The following DYNLT2 variants were observed in gnomAD, a reference collection of about 807,000 sequenced individuals.
DYNLT2 encodes the protein dynein light chain Tctex-type 2.
In DYNLT2, 24 loss-of-function variants were observed where a neutral mutation model predicts 24.3. The ratio of observed to expected loss-of-function variants is 0.99; its 90% CI spans 0.71 to 1.39. The LOEUF is 1.39. Ranked by LOEUF, DYNLT2 falls within the 40% of genes most tolerant of loss-of-function variation. The pLI, the probability that DYNLT2 is intolerant of heterozygous loss-of-function variation, is 0.00. For synonymous variants in DYNLT2, 85 were observed against 85.4 expected, an observed-to-expected ratio of 1.00 and a Z score of 0.03; for missense variants, 246 against 234.5, an observed-to-expected ratio of 1.05 and a Z score of -0.32.
chr6:169,735,131 G>C (rs774310837), downstream of DYNLT2, among the ~76,000 whole-genome samples: 1 of 152,094 alleles, frequency 6.6e-6, no homozygotes, highest in Non-Finnish European at 1.5e-5. Context: ...GGTCAGTGGT[G>C]ATATCCCCTT....
chr6:169,727,139 C>A, the DYNLT2 span, among the ~76,000 whole-genome samples: 1 of 152,216 alleles, frequency 6.6e-6, no homozygotes, highest in African/African-American at 2.4e-5. Context: ...AGGTAATTAA[C>A]TGTCTTGACT....
At chr6:169,737,122 G>T (rs1315412586), downstream of DYNLT2, among the ~76,000 whole-genome samples, 1 of 152,072 alleles carries the variant, frequency 6.6e-6, no homozygotes, top group East Asian at 1.9e-4. Flanking sequence ...TGATACTTGT[G>T]TATGCTTCAC....
the DYNLT2 span, chr6:169,725,360 C>T: frequency 1.8e-5 from 7 of 398,580 alleles, no homozygotes; most frequent in East Asian, 1.4e-4. Flanking sequence ...AGGGATTATT[C>T]TAGCGCGTCA....
At chr6:169,748,868 G>C (rs1447407805) in intron 1 of DYNLT2, among the ~76,000 whole-genome samples, 2 of 152,120 alleles carry the variant, frequency 1.3e-5, no homozygotes, top group East Asian at 3.8e-4. Context: ...AATATTGGCT[G>C]ACTTGCTATA....
chr6:169,725,404 C>T, the DYNLT2 span: 11 of 397,892 alleles, frequency 2.8e-5, no homozygotes, highest in African/African-American at 2.1e-4. Flanking sequence ...ACGCTCAGTC[C>T]AGCCTGACTC....
At chr6:169,748,879 CTTA>C (rs377303449) in intron 1 of DYNLT2, among the ~76,000 whole-genome samples, 4 of 152,216 alleles carry the variant, frequency 2.6e-5, no homozygotes, top group South Asian at 2.1e-4. Context: ...ACTTGCTATA[CTTA>C]TTAAGAGTAT....
chr6:169,743,935 T>C, intron 2 of DYNLT2, 133 bp downstream of exon 2: 1 of 820,180 alleles, frequency 1.2e-6, no homozygotes, highest in Non-Finnish European at 1.9e-6. Context: ...CCTGCACCAA[T>C]GACACAATAC....
intron 3 of DYNLT2, among the ~76,000 whole-genome samples, chr6:169,741,342 A>T (rs935744049): frequency 6.6e-6 from 1 of 152,162 alleles, no homozygotes; most frequent in Non-Finnish European, 1.5e-5. Flanking sequence ...GCTGGCTCAC[A>T]TGCAGGAGAA....
intron 1 of DYNLT2, among the ~76,000 whole-genome samples, chr6:169,746,924 G>A (rs1789820842): frequency 6.7e-6 from 1 of 150,142 alleles, no homozygotes; most frequent in Non-Finnish European, 1.5e-5. Flanking sequence ...CTGGAGTGAG[G>A]TCACAGAGCA....
At chr6:169,750,705 TAG>T (rs1052760391) in intron 1 of DYNLT2, 1 of 152,236 alleles carries the variant, frequency 6.6e-6, no homozygotes, top group African/African-American at 2.4e-5. Flanking sequence ...CAATAAAATA[TAG>T]AGTCTTTAAT....
chr6:169,733,481 T>A, the DYNLT2 span, among the ~76,000 whole-genome samples: 10 of 152,122 alleles, frequency 6.6e-5, no homozygotes, highest in Non-Finnish European at 1.2e-4. Context: ...AAGGAAGGGG[T>A]CCAGTTTCAG....
intron 1 of DYNLT2, chr6:169,749,768 TAA>T (rs1418249968): frequency 1.3e-5 from 2 of 152,156 alleles, no homozygotes; most frequent in African/African-American, 4.8e-5. Flanking sequence ...GTTAATTCTC[TAA>T]AAGTTAACTG....
At chr6:169,750,910 G>C (rs2128337595) in intron 1 of DYNLT2, 1 of 154,054 alleles carries the variant, frequency 6.5e-6, no homozygotes, top group South Asian at 2.0e-4. Context: ...GCACTATTCT[G>C]CCTGGTTTAT....
rs148750299 is a variant in DYNLT2 at position 169,744,247 on chromosome 6, T to C, written c.148A>G (p.Arg50Gly). The change falls in exon 2 of 4, where the codon AGA becomes GGA. Residue 50 changes from arginine to glycine, a missense_variant. Physicochemically the swap from Arg to Gly is moderately radical, Grantham distance 125. Transcript: ENST00000366774. ...TACTGAACATTGTGAATTGACTCTCTCAGTCTTTCTCTTAAAATCTGTGTA... is the reference window on the plus strand; with the variant it reads ...TACTGAACATTGTGAATTGACTCTCCCAGTCTTTCTCTTAAAATCTGTGTA... ...AYTQILRERL[R>G]ESIHNVQYVE... 595 of 1,613,508 alleles carry C rather than the reference T, an allele frequency of 3.7e-4. No individual in the cohort carries two copies. The highest frequency in any genetic ancestry group is 4.8e-4 in the Non-Finnish European group (570 of 1,179,894).
Position 169,751,379 on chromosome 6 carries a change from G to A in DYNLT2, c.80C>T (p.Pro27Leu), listed in dbSNP as rs1189673596. Residue 27 changes from proline to leucine, a missense_variant, in exon 1 of 4, where the codon CCT (proline) becomes CTT (leucine). By Grantham distance (98) the Pro-to-Leu change is moderately conservative. Coordinates refer to ENST00000366774, the MANE Select transcript of DYNLT2 (RefSeq NM_174910.3). Reference sequence around the variant, plus strand: ...CATGCTAGGCCTCCTTTCTTTCCTAGGCGTCACCGGAGCCTGCTGAGGGGT... The same window carrying A: ...CATGCTAGGCCTCCTTTCTTTCCTAAGCGTCACCGGAGCCTGCTGAGGGGT... ...NQTPQQAPVT[P>L]RKERRPSMFE... is the part of the protein sequence containing the mutation. The A allele has an allele frequency of 6.2e-7, 1 of 1,614,140 alleles. No homozygotes were observed. The highest frequency in any genetic ancestry group is 8.5e-7 in the Non-Finnish European group (1 of 1,180,016).
the DYNLT2 span, among the ~76,000 whole-genome samples, chr6:169,732,522 G>A: frequency 6.6e-6 from 1 of 152,074 alleles, no homozygotes; most frequent in Admixed American, 6.5e-5. Context: ...TCCCACTTAT[G>A]AGTGAGAACA....
At chr6:169,725,906 G>A in the DYNLT2 span, 1 of 152,254 alleles carries the variant, frequency 6.6e-6, no homozygotes, top group Non-Finnish European at 1.5e-5. Context: ...ACCTTGGACT[G>A]GCCATCCCCT....
At chr6:169,727,932 A>G in the DYNLT2 span, among the ~76,000 whole-genome samples, 1 of 152,186 alleles carries the variant, frequency 6.6e-6, no homozygotes, top group African/African-American at 2.4e-5. Flanking sequence ...ATCAGCTGAC[A>G]GTTGTGTAGG....
chr6:169,729,119 CTGAT>C, the DYNLT2 span, among the ~76,000 whole-genome samples: 1 of 152,142 alleles, frequency 6.6e-6, no homozygotes, highest in African/African-American at 2.4e-5. Context: ...GCTAGCCAGA[CTGAT>C]TGGGAAAAAA....
Sources: gnomAD v4.1 joint callset for allele counts (sites outside exome capture counted in the v4.1 genomes callset) on GRCh38, gnomAD v4.1.1 for gene constraint, MANE v1.5 for transcripts, NCBI Gene and HGNC (gene_info 2026-07-23, HGNC 2026-07-21) for gene names.